The following RIOX2 variants were observed in gnomAD, a reference collection of about 807,000 sequenced individuals.
The protein encoded by RIOX2 is 60S ribosomal protein L27a histidine hydroxylase.
Under a neutral mutation model 51.2 loss-of-function variants are expected in RIOX2, and 43 were observed. That is an observed-to-expected ratio of 0.84 (90% confidence interval 0.66 to 1.08). The LOEUF (loss-of-function observed/expected upper bound fraction) is 1.08. Ranked by LOEUF, RIOX2 falls within the 50% of genes least tolerant of loss-of-function variation. The pLI is 0.00. For missense variants in RIOX2, 566 were observed against 561.7 expected (o/e 1.01, Z -0.08); for synonymous variants, 226 against 218.5 (o/e 1.03, Z -0.30).
chr3:97,946,604 A>ATATATATAGC (rs1553712244), intron 8 of RIOX2, among the ~76,000 whole-genome samples: 1 of 139,718 alleles, frequency 7.2e-6, no homozygotes, highest in Non-Finnish European at 1.5e-5. Context: ...ATATATATAT[A>ATATATATAGC]TATCTATTCA....
Position 97,943,211 on chromosome 3 carries a change from G to A in RIOX2, c.*1973C>T, listed in dbSNP as rs2107117362. ...CCTGAACAAATAATCTTTTCTTTTG[G>A]AATTTCTATTTTAGGAGGAAATTAT... is the stretch of plus-strand genomic sequence containing the variant. On this transcript the variant is annotated 3_prime_UTR_variant, in exon 10 of 10. Transcript: ENST00000394198. 6.9e-7 allele frequency: 1 copy of A among 1,456,102 alleles called. No individual in the cohort carries two copies. The highest frequency in any genetic ancestry group is 9.5e-7 in the Non-Finnish European group (1 of 1,048,694). 90.2% of individuals were successfully genotyped at this position (1,456,102 alleles called of 1,614,324 possible). A position where few individuals can be genotyped will look rare whatever the true frequency, so the allele number is the denominator to read the frequency against.
At chr3:97,952,340 G>C (rs1041463459) in intron 5 of RIOX2, 1 of 780,144 alleles carries the variant, frequency 1.3e-6, no homozygotes, top group Non-Finnish European at 1.9e-6. Flanking sequence ...CTGTAACTTA[G>C]GAAGCTCTTC....
rs535386590 is a variant in RIOX2 at position 97,951,034 on chromosome 3, C to T, written c.786-146G>A. The T allele has an allele frequency of 4.7e-4, 284 of 607,104 alleles. 1 individual carries two copies. The highest frequency in any genetic ancestry group is 6.7e-4 in the Non-Finnish European group (228 of 340,572). 37.6% of individuals were successfully genotyped at this position (607,104 alleles called of 1,614,324 possible). On this transcript the variant is annotated intron_variant, in intron 5 of 9. Coordinates refer to ENST00000394198, the MANE Select transcript of RIOX2 (RefSeq NM_153182.4). Reference sequence around the variant, plus strand: ...GGCATTTTGAGTTCCATTAATTGGACATTACTCAGCATGGAAATCTAAGAC... The same window carrying T: ...GGCATTTTGAGTTCCATTAATTGGATATTACTCAGCATGGAAATCTAAGAC...
chr3:97,954,981 C>A (rs536505172), intron 4 of RIOX2, among the ~76,000 whole-genome samples: 4 of 152,262 alleles, frequency 2.6e-5, no homozygotes, highest in South Asian at 4.2e-4. Context: ...TAGCCCCAAA[C>A]CTTACAGGAT....
At chr3:97,964,001 T>C (rs538842459) in intron 2 of RIOX2, among the ~76,000 whole-genome samples, 5 of 152,196 alleles carry the variant, frequency 3.3e-5, no homozygotes, top group Non-Finnish European at 7.3e-5. Flanking sequence ...CAAAGCAGTA[T>C]ACAAGCGATA....
At chr3:97,953,086 T>C (rs1705307963) in intron 5 of RIOX2, among the ~76,000 whole-genome samples, 1 of 152,090 alleles carries the variant, frequency 6.6e-6, no homozygotes, top group South Asian at 2.1e-4. Flanking sequence ...ACCTAGAATG[T>C]CCTCTCCTAC....
intron 4 of RIOX2, among the ~76,000 whole-genome samples, chr3:97,958,640 G>C (rs1453594995): frequency 6.6e-6 from 1 of 152,166 alleles, no homozygotes; most frequent in Non-Finnish European, 1.5e-5. Flanking sequence ...AAAAAACTAA[G>C]GGATCCCTGG....
chr3:97,959,215 T>C (rs751133089), intron 3 of RIOX2, 36 bp from the exon 4 acceptor site: 37 of 1,596,656 alleles, frequency 2.3e-5, no homozygotes, highest in Non-Finnish European at 2.7e-5. Flanking sequence ...ATCAGAGAGC[T>C]TCCTGACAAC....
chr3:97,950,702 G>A (rs1705209319), intron 6 of RIOX2, 84 bp downstream of exon 6: 6 of 1,039,290 alleles, frequency 5.8e-6, no homozygotes, highest in Non-Finnish European at 9.1e-6. Context: ...GTTGGAAGAA[G>A]TATCCTGGGG....
At chr3:97,954,044 A>G (rs1705363049) in intron 5 of RIOX2, 1 of 205,606 alleles carries the variant, frequency 4.9e-6, no homozygotes, top group African/African-American at 2.2e-5. Context: ...TATGTTCTAT[A>G]TATTTTATCA....
intron 5 of RIOX2, chr3:97,952,203 G>T (rs1188967449): frequency 7.8e-7 from 1 of 1,289,768 alleles, no homozygotes; most frequent in Non-Finnish European, 1.0e-6. Flanking sequence ...GATCATTTCT[G>T]GGGAGCAATG....
At chr3:97,950,685 G>T in intron 6 of RIOX2, 101 bp downstream of exon 6, 1 of 878,366 alleles carries the variant, frequency 1.1e-6, no homozygotes, top group Non-Finnish European at 1.9e-6. Context: ...AGACAAGCCT[G>T]GCTCATGTTG....
intron 2 of RIOX2, 34 bp from the exon 3 acceptor site, chr3:97,961,742 TG>T: frequency 6.4e-7 from 1 of 1,555,228 alleles, no homozygotes; most frequent in Admixed American, 2.2e-5. Flanking sequence ...AGGGTCGGCG[TG>T]GGGGAGTGAA....
intron 7 of RIOX2, among the ~76,000 whole-genome samples, chr3:97,949,627 G>A (rs1265851325): frequency 6.6e-6 from 1 of 152,114 alleles, no homozygotes; most frequent in Non-Finnish European, 1.5e-5. Context: ...CCATCAGGGT[G>A]GGATACAAGT....
Position 97,942,749 on chromosome 3 carries a change from A to C in RIOX2, c.*2435T>G, listed in dbSNP as rs938287265. On this transcript the variant is annotated 3_prime_UTR_variant, in exon 10 of 10. Coordinates refer to ENST00000394198, the MANE Select transcript of RIOX2 (RefSeq NM_153182.4). The stretch of plus-strand genomic sequence containing the variant: ...AATGAATGTCATCTGTTTCTTAGAA[A>C]CATCTCTAGCTTTTTGCCAGGAATT... 1 of 246,204 alleles carries C rather than the reference A, an allele frequency of 4.1e-6. No individual in the cohort carries two copies. The highest frequency in any genetic ancestry group is 2.3e-5 in the African/African-American group (1 of 44,124). The allele number at this position is 246,204 out of a possible 1,614,324, so 15.3% of individuals were successfully genotyped here.
At chr3:97,954,647 G>A (rs1029640523) in intron 4 of RIOX2, 152 bp from the exon 5 acceptor site, 136 of 657,954 alleles carry the variant, frequency 2.1e-4, no homozygotes, top group Admixed American at 6.0e-4. Flanking sequence ...GGCTCATGTC[G>A]TGTGCAGCTA....
At chr3:97,956,785 G>A (rs1296740733) in intron 4 of RIOX2, among the ~76,000 whole-genome samples, 3 of 152,064 alleles carry the variant, frequency 2.0e-5, no homozygotes, top group African/African-American at 7.2e-5. Context: ...GTGAGCCACC[G>A]CACCCCGCCT....
chr3:97,941,977 C>A lies in RIOX2; in HGVS notation c.*3207G>T. 5.1e-6 allele frequency: 1 copy of A among 197,422 alleles called. No homozygotes were observed. The highest frequency in any genetic ancestry group is 1.0e-5 in the Non-Finnish European group (1 of 98,898). The allele number at this position is 197,422 out of a possible 1,614,324, so 12.2% of individuals were successfully genotyped here. On this transcript the variant is annotated 3_prime_UTR_variant, in exon 10 of 10. Transcript: ENST00000394198. ...CAAGCTCAACATAATACGTTTTAAG[C>A]AAACAGGGATTTAACATTTAATTCC...
intron 4 of RIOX2, among the ~76,000 whole-genome samples, chr3:97,957,077 C>T (rs764028656): frequency 2.0e-5 from 3 of 152,150 alleles, no homozygotes; most frequent in Non-Finnish European, 2.9e-5. Context: ...GGGAAAGAAG[C>T]GGATAAGGGC....
Sources: gnomAD v4.1 joint callset for allele counts (sites outside exome capture counted in the v4.1 genomes callset) on GRCh38, gnomAD v4.1.1 for gene constraint, MANE v1.5 for transcripts, NCBI Gene and HGNC (gene_info 2026-07-23, HGNC 2026-07-21) for gene names.